The following SSR3 variants were observed in gnomAD, a reference collection of about 807,000 sequenced individuals.
SSR3 encodes the protein translocon-associated protein subunit gamma.
A neutral mutation model predicts 22.1 loss-of-function variants in SSR3; 10 were observed. That is an observed-to-expected ratio of 0.45 (90% CI 0.28 to 0.77). The LOEUF is 0.77. Among genes scored for constraint, SSR3 ranks in the 30% least tolerant of loss-of-function variants. The pLI is 0.13. For missense variants in SSR3, 181 were observed against 220.5 expected, an observed-to-expected ratio of 0.82 and a Z score of 1.13; for synonymous variants, 104 against 82.5, an observed-to-expected ratio of 1.26 and a Z score of -1.42.
At chr3:156,547,629 T>C (rs758705340) in intron 3 of SSR3, among the ~76,000 whole-genome samples, 5 of 152,218 alleles carry the variant, frequency 3.3e-5, no homozygotes, top group Non-Finnish European at 5.9e-5. Flanking sequence ...GTCATAATAC[T>C]GTGCCTTCAG....
In SSR3 at chr3:156,541,139, T is replaced by A. The variant is rs1474916867; in HGVS notation, c.*2064A>T. ...AATTCAAGAGAAACTATATTAGGAA[T>A]ATTCGGCTGATACCCCTATTTCACC... On this transcript the variant is annotated 3_prime_UTR_variant, in exon 5 of 5. Transcript: ENST00000265044. 6.6e-6 allele frequency: 1 copy of A among 152,234 alleles called. No homozygotes were observed. The highest frequency in any genetic ancestry group is 1.5e-5 in the Non-Finnish European group (1 of 68,030). 9.4% of individuals were successfully genotyped at this position (152,234 alleles called of 1,614,324 possible).
chr3:156,545,651 A>T (rs557263057), intron 3 of SSR3, among the ~76,000 whole-genome samples: 1 of 152,252 alleles, frequency 6.6e-6, no homozygotes, highest in Admixed American at 6.5e-5. Context: ...GTAGTCTCTA[A>T]CAGATGCCAT....
At chr3:156,544,594 CCT>C (rs1719695211) in intron 3 of SSR3, among the ~76,000 whole-genome samples, 155 bp from the exon 4 acceptor site, 1 of 131,486 alleles carries the variant, frequency 7.6e-6, no homozygotes, top group Admixed American at 8.3e-5. Context: ...AGAATTGTCC[CCT>C]TTCTTCCACT....
intron 2 of SSR3, among the ~76,000 whole-genome samples, chr3:156,549,872 T>C (rs1328818982): frequency 2.6e-5 from 4 of 151,954 alleles, no homozygotes; most frequent in African/African-American, 9.7e-5. Flanking sequence ...AAACCTAAAG[T>C]AAAAGGCTGC....
intron 3 of SSR3, 188 bp downstream of exon 3, chr3:156,548,717 C>T (rs1437341766): frequency 5.8e-6 from 4 of 686,340 alleles, no homozygotes; most frequent in African/African-American, 5.4e-5. Flanking sequence ...TTGTACAGCA[C>T]AGATAAAAGT....
chr3:156,553,569 T>G (rs2108450980), intron 2 of SSR3, 86 bp downstream of exon 2: 1 of 1,395,218 alleles, frequency 7.2e-7, no homozygotes, highest in East Asian at 2.4e-5. Context: ...TAATGCTTAT[T>G]AAAACCAACA....
intron 2 of SSR3, 54 bp from the exon 3 acceptor site, chr3:156,549,057 C>T (rs958495287): frequency 1.1e-5 from 17 of 1,532,492 alleles, no homozygotes; most frequent in Middle Eastern, 1.8e-4. Context: ...AGGTGAACAT[C>T]ACACTCTCTC....
chr3:156,546,174 GT>G lies in SSR3; in HGVS notation c.360-1736del, dbSNP rs577316707. Among the ~76,000 whole-genome samples, 619 of 152,296 alleles carry G rather than the reference GT, an allele frequency of 4.1e-3. 6 individuals carry two copies. Among genetic ancestry groups the G allele is most frequent in the African/African-American group, 0.014 (589 of 41,550 alleles). ...GGGAGGTGACTGGATCATGGGTGTG[GT>G]TTCCCCCATGCCACTCTCGTGACAG... On this transcript the variant is annotated intron_variant, in intron 3 of 4. Transcript: ENST00000265044.
At chr3:156,545,092 C>T (rs1719713277) in intron 3 of SSR3, among the ~76,000 whole-genome samples, 1 of 152,186 alleles carries the variant, frequency 6.6e-6, no homozygotes, top group African/African-American at 2.4e-5. Flanking sequence ...CCCCTTCACA[C>T]ATGCAAAAGG....
rs1476011912 is a variant in SSR3, at chr3:156,553,639, T to C, written c.260+16A>G. On this transcript the variant is annotated intron_variant, in intron 2 of 4. Coordinates refer to ENST00000265044, the MANE Select transcript of SSR3 (RefSeq NM_007107.5). Reference sequence around the variant, plus strand: ...ATAACATGTAGTACGTACTTTCACTTGAAAAACATACTTACTTGTGCTTGA... The same window carrying C: ...ATAACATGTAGTACGTACTTTCACTCGAAAAACATACTTACTTGTGCTTGA... 2.5e-6 allele frequency: 4 copies of C among 1,607,908 alleles called. No homozygotes were observed. Among genetic ancestry groups the C allele is most frequent in the Admixed American group, 1.7e-5 (1 of 59,050 alleles).
chr3:156,542,720 C>T lies in SSR3; in HGVS notation c.*483G>A, dbSNP rs1164752570. On this transcript the variant is annotated 3_prime_UTR_variant, in exon 5 of 5. Transcript: ENST00000265044. Reference sequence around the variant, plus strand: ...TCATGTTTTTAATTTTGTGTTATTTCAGATCACAAATTCAAACACTTGTAA... The same window carrying T: ...TCATGTTTTTAATTTTGTGTTATTTTAGATCACAAATTCAAACACTTGTAA... 1 of 153,220 alleles carries T rather than the reference C, an allele frequency of 6.5e-6. No homozygotes were observed. Among genetic ancestry groups the T allele is most frequent in the African/African-American group, 2.4e-5 (1 of 41,480 alleles). The allele number at this position is 153,220 out of a possible 1,614,324, so 9.5% of individuals were successfully genotyped here. A position where few individuals can be genotyped will look rare whatever the true frequency, so the allele number is the denominator to read the frequency against.
At position 156,542,976 on chromosome 3, in the gene SSR3, C is replaced by T; in HGVS notation, c.*227G>A. ...CAGCACATTGCAAGACATTTTTTTC[C>T]TTTTAATAAACGTCCTAGTACTCTG... On this transcript the variant is annotated 3_prime_UTR_variant, in exon 5 of 5. Transcript: ENST00000265044. The T allele has an allele frequency of 4.6e-6, 2 of 432,658 alleles. No homozygotes were observed. The highest frequency in any genetic ancestry group is 8.2e-6 in the Non-Finnish European group (2 of 244,160). The allele number at this position is 432,658 out of a possible 1,614,324, so 26.8% of individuals were successfully genotyped here.
chr3:156,554,675 G>C (rs1047712636), intron 1 of SSR3: 5 of 426,918 alleles, frequency 1.2e-5, no homozygotes, highest in African/African-American at 1.0e-4. Context: ...AGAGATTCGG[G>C]GCCGCCACCC....
At chr3:156,545,109 T>C (rs539171284) in intron 3 of SSR3, among the ~76,000 whole-genome samples, 11 of 152,334 alleles carry the variant, frequency 7.2e-5, no homozygotes, top group African/African-American at 2.4e-4. Flanking sequence ...AAGGAAGTTA[T>C]AGGATGCCTG....
chr3:156,543,478 T>TA (rs1267962924), intron 4 of SSR3, among the ~76,000 whole-genome samples: 5 of 151,864 alleles, frequency 3.3e-5, no homozygotes, highest in Non-Finnish European at 5.9e-5. Context: ...TGTTCCAATT[T>TA]AAAAAAAACA....
rs568849742 is a variant in SSR3, at chr3:156,552,749, G to A, written c.260+906C>T. On this transcript the variant is annotated intron_variant, in intron 2 of 4. Transcript: ENST00000265044. ...GTACATGAAAGCAACATCAAAGGGC[G>A]TCAATTAAACAATTTATACCACTTC... 2.7e-4 allele frequency among the ~76,000 whole-genome samples: 41 copies of A among 152,280 alleles called. 1 individual carries two copies. Among genetic ancestry groups the A allele is most frequent in the South Asian group, 1.0e-3 (5 of 4,828 alleles).
intron 1 of SSR3, 38 bp from the exon 2 acceptor site, chr3:156,553,819 G>A (rs2292338): frequency 0.13 from 201,729 of 1,558,120 alleles, 14,113 homozygotes; most frequent in East Asian, 0.2. Flanking sequence ...ACAAAAAGAA[G>A]CAAAACATTA....
intron 2 of SSR3, among the ~76,000 whole-genome samples, chr3:156,552,079 T>A (rs1719980230): frequency 6.6e-6 from 1 of 152,084 alleles, no homozygotes; most frequent in Non-Finnish European, 1.5e-5. Context: ...GGCAGACGGA[T>A]CACTTGAGCC....
chr3:156,548,629 C>T (rs1399331282), intron 3 of SSR3, among the ~76,000 whole-genome samples: 2 of 152,144 alleles, frequency 1.3e-5, no homozygotes, highest in Admixed American at 6.5e-5. Context: ...GCTTTCTGTA[C>T]CTTTGTTGCC....
Sources: allele counts gnomAD v4.1 joint callset (sites outside exome capture counted in the v4.1 genomes callset), GRCh38; gene constraint gnomAD v4.1.1; transcripts MANE v1.5; gene names NCBI Gene and HGNC (gene_info 2026-07-23, HGNC 2026-07-21).